The following PTPN18 variants were observed in gnomAD, a reference collection of about 807,000 sequenced individuals.
PTPN18 encodes protein tyrosine phosphatase non-receptor type 18.
PTPN18 carries 65 observed loss-of-function variants against 65.4 expected under a neutral mutation model. That is an observed-to-expected ratio of 0.99 (90% confidence interval 0.81 to 1.22). PTPN18 has a LOEUF of 1.22. Ranked by LOEUF, PTPN18 falls within the 50% of genes most tolerant of loss-of-function variation. The pLI, the probability that PTPN18 is intolerant of heterozygous loss-of-function variation, is 0.00. For synonymous variants in PTPN18, 255 were observed against 267.8 expected (o/e 0.95, Z 0.47); for missense variants, 616 against 646.5 (o/e 0.95, Z 0.51).
At chr2:130,370,497 C>T (rs1318432408) in intron 8 of PTPN18, 60 bp from the exon 9 acceptor site, 12 of 1,590,672 alleles carry the variant, frequency 7.5e-6, no homozygotes, top group Non-Finnish European at 1.0e-5. Context: ...TCCCCAAATG[C>T]CCCATCTAAA....
intron 5 of PTPN18, chr2:130,362,243 T>C (rs1342526577): frequency 2.2e-6 from 1 of 457,848 alleles, no homozygotes; most frequent in Non-Finnish European, 4.5e-6. Flanking sequence ...GTGCTAAGAT[T>C]ACAGGCATGA....
rs762285708 is a variant in PTPN18, at chr2:130,369,766, TA to T, written c.488del (p.Lys163ArgfsTer5). 2.5e-6 allele frequency: 4 copies of T among 1,591,664 alleles called. No homozygotes were observed. The Admixed American group carries it at 6.7e-5, about 27-fold the overall frequency. ...LQTGLFCITL[I>X]KEKWLNEDIM... ...ACTTGCCCCACCCCCCTTACTCAGA[TA>T]AAGGAGAAGTGGCTGAATGAGGACA... On this transcript the variant is annotated frameshift_variant and splice_region_variant, in exon 7 of 15. Coordinates refer to ENST00000175756, the MANE Select transcript of PTPN18 (RefSeq NM_014369.4). LOFTEE classifies it high-confidence loss of function.
intron 5 of PTPN18, chr2:130,359,868 C>G (rs768788307): frequency 5.0e-6 from 3 of 603,384 alleles, no homozygotes; most frequent in Non-Finnish European, 5.9e-6. Flanking sequence ...CATTTCACAC[C>G]TTAGACCATA....
chr2:130,370,960 A>G lies in PTPN18; in HGVS notation c.920A>G (p.Lys307Arg). 3 of 1,613,796 alleles carry G rather than the reference A, an allele frequency of 1.9e-6. No homozygotes were observed. The highest frequency in any genetic ancestry group is 2.5e-6 in the Non-Finnish European group (3 of 1,179,756). Residue 307 changes from lysine (K) to arginine (R), a missense_variant, in exon 11 of 15, where the codon AAA becomes AGA. Lys to Arg is a conservative substitution (Grantham distance 26). Coordinates refer to ENST00000175756, the MANE Select transcript of PTPN18 (RefSeq NM_014369.4). ...QNASPHYQNI[K>R]ENCAPLYDDA... is the part of the protein sequence containing the mutation. ...GCCAGCCCCCACTACCAGAACATCA[A>G]AGAGGTACAGAGGCTCCTTTCCCAC...
rs1679957203 is a variant in PTPN18, at chr2:130,356,097, C to T, written c.-11C>T. 1.5e-6 allele frequency: 2 copies of T among 1,292,066 alleles called. No homozygotes were observed. Among genetic ancestry groups the T allele is most frequent in the Non-Finnish European group, 2.0e-6 (2 of 1,022,852 alleles). The allele number at this position is 1,292,066 out of a possible 1,614,324, so 80.0% of individuals were successfully genotyped here. A position where few individuals can be genotyped will look rare whatever the true frequency, so the allele number is the denominator to read the frequency against. On this transcript the variant is annotated 5_prime_UTR_variant, in exon 1 of 15. Transcript: ENST00000175756. ...CGGCGGCCGGGCTGGACCTTGCTGG[C>T]CCGCGGCGCCATGAGCCGCAGCCTG... is the stretch of plus-strand genomic sequence containing the variant.
chr2:130,367,399 TGTG>T (rs970985450), intron 5 of PTPN18, among the ~76,000 whole-genome samples: 8 of 152,092 alleles, frequency 5.3e-5, no homozygotes, highest in African/African-American at 1.9e-4. Flanking sequence ...TGGGGCCTGG[TGTG>T]GTGGCTCATG....
rs987313895 is a variant in PTPN18 at position 130,373,691 on chromosome 2, G to T, written c.*467G>T. 6.5e-6 allele frequency: 1 copy of T among 153,768 alleles called. No individual in the cohort carries two copies. The highest frequency in any genetic ancestry group is 2.4e-5 in the African/African-American group (1 of 41,444). 9.5% of individuals were successfully genotyped at this position (153,768 alleles called of 1,614,324 possible). A position where few individuals can be genotyped will look rare whatever the true frequency, so the allele number is the denominator to read the frequency against. ...TTAACCCCAGGCAGACCGATAAAAAGACCTCCAGATAGGCAGACAGACAGA... is the reference window on the plus strand; with the variant it reads ...TTAACCCCAGGCAGACCGATAAAAATACCTCCAGATAGGCAGACAGACAGA... On this transcript the variant is annotated 3_prime_UTR_variant, in exon 15 of 15. Transcript: ENST00000175756. The surrounding 1 kb of genome is among the most constrained non-coding windows in gnomAD (Gnocchi z 4.1).
rs768878105 is a variant in PTPN18 at position 130,373,236 on chromosome 2, G to T, written c.*12G>T. 12 of 1,572,502 alleles carry T rather than the reference G, an allele frequency of 7.6e-6. No homozygotes were observed. In the South Asian group the frequency reaches 8.3e-5, roughly 11 times the overall value. ...GGACCCGGGTGTAAGTCTAACGCCA[G>T]TTCCTGCCTGTTGCCTCTTGTGAGC... is the stretch of plus-strand genomic sequence containing the variant. On this transcript the variant is annotated 3_prime_UTR_variant, in exon 15 of 15. Transcript: ENST00000175756. This position sits in a 1 kb window ranked among gnomAD's most constrained non-coding sequence, Gnocchi z 4.1.
chr2:130,369,044 C>A, intron 5 of PTPN18, 89 bp from the exon 6 acceptor site: 2 of 1,117,028 alleles, frequency 1.8e-6, no homozygotes, highest in Non-Finnish European at 2.6e-6. Context: ...CCACCACGAG[C>A]ACCTGGGGTG....
At position 130,361,078 on chromosome 2, in the gene PTPN18, C is replaced by A. The variant is rs980985595; in HGVS notation, c.414+1432C>A. 3.9e-5 allele frequency among the ~76,000 whole-genome samples: 6 copies of A among 152,246 alleles called. 1 individual carries two copies. The highest frequency in any genetic ancestry group is 3.3e-4 in the Admixed American group (5 of 15,276). ...GGTTGGCTGGAGTGTCCTGTAAATACCAATTAGGTCAACTGACAGACTTTT... is the reference window on the plus strand; with the variant it reads ...GGTTGGCTGGAGTGTCCTGTAAATAACAATTAGGTCAACTGACAGACTTTT... On this transcript the variant is annotated intron_variant, in intron 5 of 14. Transcript: ENST00000175756.
chr2:130,371,010 C>CA, intron 11 of PTPN18, 46 bp downstream of exon 11: 1 of 1,585,476 alleles, frequency 6.3e-7, no homozygotes, highest in Non-Finnish European at 8.6e-7. Context: ...TCAGCACCCT[C>CA]AGAGACCAGG....
chr2:130,373,080 G>T lies in PTPN18; in HGVS notation c.1316-77G>T, dbSNP rs1389814479. 1.3e-6 allele frequency: 2 copies of T among 1,543,334 alleles called. No individual in the cohort carries two copies. Among genetic ancestry groups the T allele is most frequent in the South Asian group, 2.4e-5 (2 of 84,404 alleles). On this transcript the variant is annotated intron_variant, in intron 14 of 14. Transcript: ENST00000175756. This position sits in a 1 kb window ranked among gnomAD's most constrained non-coding sequence, Gnocchi z 4.1. Reference sequence around the variant, plus strand: ...AACCAGGAGGACCTGGAGGCGGGGGGATGGCCTTCTTCATGTCTGCCAGCT... The same window carrying T: ...AACCAGGAGGACCTGGAGGCGGGGGTATGGCCTTCTTCATGTCTGCCAGCT...
chr2:130,366,482 G>A (rs1680385053), intron 5 of PTPN18, among the ~76,000 whole-genome samples: 1 of 152,166 alleles, frequency 6.6e-6, no homozygotes, highest in South Asian at 2.1e-4. Context: ...ATCCCACTTA[G>A]TCATGGTGTT....
intron 12 of PTPN18, 159 bp downstream of exon 12, chr2:130,371,446 T>A: frequency 1.6e-6 from 1 of 642,272 alleles, no homozygotes; most frequent in Non-Finnish European, 2.6e-6. Flanking sequence ...ATGATTCAAT[T>A]ATCCCAAGAT....
rs1329224102 is a variant in PTPN18 at position 130,370,707 on chromosome 2, G to A, written c.759G>A (p.Met253Ile). Residue 253 changes from methionine (M) to isoleucine (I), a missense_variant and splice_region_variant, in exon 10 of 15, where the codon ATG becomes ATA. By Grantham distance (10) the Met-to-Ile change is conservative. Around this residue, in one of 3 missense-constraint regions of PTPN18, gnomAD observed 368 missense variants for 386.7 expected, o/e 0.95. Coordinates refer to ENST00000175756, the MANE Select transcript of PTPN18 (RefSeq NM_014369.4). ...DYVRQLLLTQMIPPDFSLFDV... is the reference protein window; with the variant it reads ...DYVRQLLLTQIIPPDFSLFDV... ...AGTGCCTTGTCTGTCTGCCCCAGAT[G>A]ATCCCACCTGACTTCAGTCTCTTTG... The A allele has an allele frequency of 1.2e-6, 2 of 1,614,084 alleles. No homozygotes were observed. The highest frequency in any genetic ancestry group is 1.7e-6 in the Non-Finnish European group (2 of 1,180,022).
intron 5 of PTPN18, among the ~76,000 whole-genome samples, chr2:130,367,020 C>T (rs1573863089): frequency 7.0e-6 from 1 of 142,366 alleles, no homozygotes; most frequent in South Asian, 2.3e-4. Context: ...TACAGGCTAG[C>T]TATGTTGCCA....
chr2:130,367,614 C>T (rs1680427299), intron 5 of PTPN18, among the ~76,000 whole-genome samples: 1 of 152,136 alleles, frequency 6.6e-6, no homozygotes, highest in East Asian at 1.9e-4. Context: ...TTGCAGGTTG[C>T]AGTGAGCCGA....
chr2:130,360,073 C>T (rs1573857306), intron 5 of PTPN18, among the ~76,000 whole-genome samples: 1 of 152,198 alleles, frequency 6.6e-6, no homozygotes, highest in Non-Finnish European at 1.5e-5. Flanking sequence ...TCACCTCCTT[C>T]AGGTCTTTGC....
At chr2:130,360,836 C>CTT (rs761633333) in intron 5 of PTPN18, among the ~76,000 whole-genome samples, 6 of 144,998 alleles carry the variant, frequency 4.1e-5, no homozygotes, top group Non-Finnish European at 6.1e-5. Context: ...TCATTTTCCA[C>CTT]TTTTTTTTTT....
Sources: allele counts gnomAD v4.1 joint callset (sites outside exome capture counted in the v4.1 genomes callset), GRCh38; gene constraint gnomAD v4.1.1; regional missense constraint gnomAD v4.1.1; non-coding constraint Gnocchi (gnomAD v3.1); transcripts MANE v1.5; gene names NCBI Gene and HGNC (gene_info 2026-07-23, HGNC 2026-07-21).